Variants in HEG1 observed in about 807,000 individuals in gnomAD.
HEG1 encodes the protein heart development protein with EGF like domains 1.
In HEG1, 56 loss-of-function variants were observed where a neutral mutation model predicts 125.6. That is an observed-to-expected ratio of 0.45 (90% CI 0.36 to 0.56). HEG1 has a LOEUF of 0.56. HEG1 is among the 20% of genes least tolerant of loss of function. The pLI, the probability that HEG1 is intolerant of heterozygous loss-of-function variation, is 0.00. For missense variants in HEG1, 1,523 were observed against 1,670.0 expected, an observed-to-expected ratio of 0.91 and a Z score of 1.53; for synonymous variants, 644 against 668.5, an observed-to-expected ratio of 0.96 and a Z score of 0.57.
At chr3:124,991,833 C>T (rs62267141) in intron 12 of HEG1, among the ~76,000 whole-genome samples, 11,440 of 152,238 alleles carry the variant, frequency 0.075, 605 homozygotes, top group Middle Eastern at 0.15. Context: ...GCTGCTCAAA[C>T]TCCTGACCTC....
rs1233213220 is a variant in HEG1, at chr3:124,966,126, A to G, written c.*4526T>C. 1.3e-5 allele frequency: 2 copies of G among 152,254 alleles called. No individual in the cohort carries two copies. Among genetic ancestry groups the G allele is most frequent in the African/African-American group, 4.8e-5 (2 of 41,468 alleles). 9.4% of individuals were successfully genotyped at this position (152,254 alleles called of 1,614,324 possible). A position where few individuals can be genotyped will look rare whatever the true frequency, so the allele number is the denominator to read the frequency against. On this transcript the variant is annotated 3_prime_UTR_variant, in exon 17 of 17. Transcript: ENST00000311127. ...TAGTTTCCCAGGCAGAACTGACTCC[A>G]TCCCATCCCTGGCCTATCCCATCCT...
At chr3:125,053,251 T>A (rs1937854685) in intron 1 of HEG1, among the ~76,000 whole-genome samples, 1 of 152,186 alleles carries the variant, frequency 6.6e-6, no homozygotes, top group African/African-American at 2.4e-5. Flanking sequence ...CCTTGTGAAA[T>A]GAGTGATAGC....
At chr3:125,051,332 G>A (rs1264132594) in intron 1 of HEG1, among the ~76,000 whole-genome samples, 2 of 150,832 alleles carry the variant, frequency 1.3e-5, no homozygotes, top group Non-Finnish European at 2.9e-5. Context: ...AAGGAATGGA[G>A]GGAGGGAGGA....
chr3:125,042,578 T>G (rs1290414328), intron 1 of HEG1, among the ~76,000 whole-genome samples: 2 of 152,188 alleles, frequency 1.3e-5, no homozygotes, highest in African/African-American at 2.4e-5. Context: ...CTATGATGCT[T>G]CTGGGGTGTG....
At chr3:125,011,138 T>C (rs1316118345) in intron 6 of HEG1, among the ~76,000 whole-genome samples, 1 of 152,066 alleles carries the variant, frequency 6.6e-6, no homozygotes, top group African/African-American at 2.4e-5. Context: ...TTCATACAGG[T>C]TTCTGACATA....
At chr3:125,022,428 T>A (rs2948792) in intron 3 of HEG1, among the ~76,000 whole-genome samples, 75,329 of 148,620 alleles carry the variant, frequency 0.51, 19,162 homozygotes, top group Middle Eastern at 0.63. Context: ...AGAGAGAGCA[T>A]GCATGGGAAA....
chr3:125,046,455 A>G (rs1419358279), intron 1 of HEG1, among the ~76,000 whole-genome samples: 1 of 151,454 alleles, frequency 6.6e-6, no homozygotes, highest in African/African-American at 2.4e-5. Flanking sequence ...TTTTAATTAT[A>G]CAGATGAGGT....
At chr3:124,981,931 G>C (rs911250754) in intron 14 of HEG1, among the ~76,000 whole-genome samples, 2 of 144,336 alleles carry the variant, frequency 1.4e-5, no homozygotes, top group Middle Eastern at 3.4e-3. Context: ...TTTTCTTTTT[G>C]AGACGGAGTC....
rs994118070 is a variant in HEG1, at chr3:125,002,331, A to C, written c.3298-16T>G. The C allele has an allele frequency of 2.5e-6, 4 of 1,610,874 alleles. No individual in the cohort carries two copies. The highest frequency in any genetic ancestry group is 3.4e-6 in the Non-Finnish European group (4 of 1,177,950). On this transcript the variant is annotated splice_polypyrimidine_tract_variant and intron_variant, in intron 9 of 16. Transcript: ENST00000311127. ...ACATATTTAACTGAAAGGAAGAACAAGCCTGTCGTTAACAGTGAGTTAGAC... is the reference window on the plus strand; with the variant it reads ...ACATATTTAACTGAAAGGAAGAACACGCCTGTCGTTAACAGTGAGTTAGAC...
At chr3:124,999,628 T>C (rs961058044) in intron 11 of HEG1, among the ~76,000 whole-genome samples, 19 of 152,244 alleles carry the variant, frequency 1.2e-4, no homozygotes, top group African/African-American at 4.6e-4. Flanking sequence ...TGCAAAAGCA[T>C]GGGACACAGG....
intron 5 of HEG1, among the ~76,000 whole-genome samples, chr3:125,018,047 T>C (rs1376387279): frequency 4.6e-5 from 7 of 151,456 alleles, no homozygotes; most frequent in Non-Finnish European, 1.0e-4. Context: ...AAAAATAAAT[T>C]GAAAATTTAC....
chr3:125,033,489 A>G (rs1282006421), intron 1 of HEG1, among the ~76,000 whole-genome samples: 2 of 152,192 alleles, frequency 1.3e-5, no homozygotes, highest in Non-Finnish European at 2.9e-5. Flanking sequence ...CTGGCCCTTC[A>G]ATCTTGGTTT....
chr3:125,035,674 A>G (rs1467317966), intron 1 of HEG1, among the ~76,000 whole-genome samples: 1 of 152,172 alleles, frequency 6.6e-6, no homozygotes, highest in Non-Finnish European at 1.5e-5. Context: ...GAAGAAAAAC[A>G]ATTCTTAATG....
intron 11 of HEG1, among the ~76,000 whole-genome samples, chr3:125,000,763 T>G (rs1560021299): frequency 6.6e-6 from 1 of 152,308 alleles, no homozygotes; most frequent in East Asian, 1.9e-4. Flanking sequence ...CCACTGGGAA[T>G]GTCAATGTCA....
chr3:125,042,704 A>C (rs1937603807), intron 1 of HEG1, among the ~76,000 whole-genome samples: 1 of 152,194 alleles, frequency 6.6e-6, no homozygotes, highest in Non-Finnish European at 1.5e-5. Flanking sequence ...TCCCCTTCAG[A>C]CAGCAGGGGC....
At chr3:125,040,044 A>T (rs983114703) in intron 1 of HEG1, among the ~76,000 whole-genome samples, 2 of 152,224 alleles carry the variant, frequency 1.3e-5, no homozygotes, top group African/African-American at 4.8e-5. Flanking sequence ...TCAGCTTCTA[A>T]CTCAGAGAGG....
At chr3:125,041,646 C>G (rs1937594555) in intron 1 of HEG1, among the ~76,000 whole-genome samples, 1 of 152,146 alleles carries the variant, frequency 6.6e-6, no homozygotes, top group Non-Finnish European at 1.5e-5. Flanking sequence ...CACTTATGCA[C>G]CCATTTTCAT....
At chr3:125,011,746 C>A (rs1304316790) in intron 6 of HEG1, among the ~76,000 whole-genome samples, 1 of 152,218 alleles carries the variant, frequency 6.6e-6, no homozygotes, top group Admixed American at 6.5e-5. Context: ...AAAGCATCAT[C>A]TCTTCTTTCC....
intron 8 of HEG1, 40 bp from the exon 9 acceptor site, chr3:125,005,408 AG>A (rs773021158): frequency 8.8e-7 from 1 of 1,141,454 alleles, no homozygotes; most frequent in Non-Finnish European, 1.3e-6. Context: ...ACACAACAGA[AG>A]AACCTATGCA....
Sources: allele counts gnomAD v4.1 joint callset (sites outside exome capture counted in the v4.1 genomes callset), GRCh38; gene constraint gnomAD v4.1.1; transcripts MANE v1.5; gene names NCBI Gene and HGNC (gene_info 2026-07-23, HGNC 2026-07-21).